Variants in AFF3 observed in about 807,000 individuals in gnomAD.
AFF3 encodes AF4/FMR2 family member 3.
Under a neutral mutation model 129.7 loss-of-function variants are expected in AFF3, and 32 were observed. The ratio of observed to expected loss-of-function variants is 0.25; its 90% CI spans 0.19 to 0.33. The LOEUF (loss-of-function observed/expected upper bound fraction) is 0.33. Among genes scored for constraint, AFF3 ranks in the 10% least tolerant of loss-of-function variants. AFF3 has a pLI of 1.00. For missense variants in AFF3, 1,373 were observed against 1,592.0 expected (o/e 0.86, Z 2.34); for synonymous variants, 644 against 635.4 (o/e 1.01, Z -0.20).
chr2:99,966,662 C>T (rs1441427431), intron 7 of AFF3, among the ~76,000 whole-genome samples: 4 of 112,006 alleles, frequency 3.6e-5, no homozygotes, highest in Non-Finnish European at 5.0e-5. Context: ...TGCACTCCAG[C>T]CTGGGCGACA....
intron 8 of AFF3, among the ~76,000 whole-genome samples, chr2:99,805,813 T>TACACACACACACAC (rs3072357): frequency 0.014 from 1,963 of 142,908 alleles, 26 homozygotes; most frequent in Non-Finnish European, 0.02. Context: ...GCAGGAGTCT[T>TACACACACACACAC]ACACACACAC....
chr2:99,715,918 T>C (rs1678342850), intron 11 of AFF3, among the ~76,000 whole-genome samples: 2 of 152,204 alleles, frequency 1.3e-5, no homozygotes, highest in Non-Finnish European at 2.9e-5. Flanking sequence ...GTGATCCGCC[T>C]GCCTCGGCCT....
At chr2:99,674,948 C>T (rs962439148) in intron 11 of AFF3, among the ~76,000 whole-genome samples, 11 of 152,180 alleles carry the variant, frequency 7.2e-5, no homozygotes, top group Non-Finnish European at 1.5e-4. Flanking sequence ...ATGTGCTAAA[C>T]GCGTCCACAC....
chr2:99,739,438 A>G (rs1198137965), intron 10 of AFF3, among the ~76,000 whole-genome samples: 1 of 152,036 alleles, frequency 6.6e-6, no homozygotes, highest in Non-Finnish European at 1.5e-5. Context: ...TTAGGTGGGG[A>G]TTCTGAAGGA....
At chr2:99,937,318 G>C (rs1674607319) in intron 7 of AFF3, among the ~76,000 whole-genome samples, 1 of 152,156 alleles carries the variant, frequency 6.6e-6, no homozygotes, top group Non-Finnish European at 1.5e-5. Flanking sequence ...GAGAGAGAAG[G>C]GAAAAGGTCA....
At chr2:100,085,925 G>A (rs977144589) in intron 4 of AFF3, among the ~76,000 whole-genome samples, 9 of 152,002 alleles carry the variant, frequency 5.9e-5, no homozygotes, top group African/African-American at 1.9e-4. Flanking sequence ...GACTGTGCCC[G>A]CTGACTGAGG....
At chr2:99,808,993 G>A (rs757449312) in intron 8 of AFF3, among the ~76,000 whole-genome samples, 11 of 152,178 alleles carry the variant, frequency 7.2e-5, no homozygotes, top group Admixed American at 3.3e-4. Context: ...ACAGGAGTTC[G>A]TTCCCTGGGC....
Position 100,110,974 on chromosome 2 carries a change from C to G in AFF3, c.-144-5391G>C, listed in dbSNP as rs556355424. 2.0e-5 allele frequency among the ~76,000 whole-genome samples: 3 copies of G among 152,290 alleles called. No individual in the cohort carries two copies. The South Asian group carries it at 6.2e-4, about 32-fold the overall frequency. ...TTGCTTCCCTGCAGTAGACACCACC[C>G]CTTCCTCTAGGTCACTTTCTTCTTC... On this transcript the variant is annotated intron_variant, in intron 2 of 24. Coordinates refer to ENST00000672756, the MANE Select transcript of AFF3 (RefSeq NM_001386135.1).
chr2:99,860,309 T>C (rs1463169789), intron 7 of AFF3, among the ~76,000 whole-genome samples: 1 of 151,996 alleles, frequency 6.6e-6, no homozygotes, highest in African/African-American at 2.4e-5. Flanking sequence ...ATCCCAGCAC[T>C]CTGGGAGGCC....
At chr2:99,916,795 A>T (rs186256443) in intron 7 of AFF3, among the ~76,000 whole-genome samples, 60 of 152,152 alleles carry the variant, frequency 3.9e-4, no homozygotes, top group African/African-American at 1.3e-3. Context: ...TAGGTCATCA[A>T]TTCTGGTTGT....
chr2:100,087,884 T>G lies in AFF3; in HGVS notation c.53+16518A>C, dbSNP rs1384174633. 1.5e-5 allele frequency among the ~76,000 whole-genome samples: 2 copies of G among 134,452 alleles called. 1 individual carries two copies. The highest frequency in any genetic ancestry group is 3.5e-5 in the Non-Finnish European group (2 of 57,884). 88.2% of individuals were successfully genotyped at this position (134,452 alleles called of 152,430 possible). On this transcript the variant is annotated intron_variant, in intron 4 of 24. Transcript: ENST00000672756. ...AAAAGTATATTAATAGATTAAAGTA[T>G]ATTAAAGTATATTAAAGTATTAATA...
In AFF3 at chr2:99,867,334, T is replaced by C. The variant is rs573811074; in HGVS notation, c.874-29810A>G. ...CAGTCACTCACAAATGGGGTTGACA[T>C]TGACTGGGAATTGTCCCAGTGGGTT... On this transcript the variant is annotated intron_variant, in intron 7 of 24. Coordinates refer to ENST00000672756, the MANE Select transcript of AFF3 (RefSeq NM_001386135.1). Among the ~76,000 whole-genome samples the C allele has an allele frequency of 5.3e-5, 8 of 152,180 alleles. 1 individual carries two copies. Among genetic ancestry groups the C allele is most frequent in the African/African-American group, 1.7e-4 (7 of 41,524 alleles).
At chr2:99,983,221 C>A (rs1679569335) in intron 7 of AFF3, among the ~76,000 whole-genome samples, 1 of 152,190 alleles carries the variant, frequency 6.6e-6, no homozygotes, top group African/African-American at 2.4e-5. Flanking sequence ...CTCGTCAAGT[C>A]ATCAGCTACC....
At chr2:99,755,270 A>ATT (rs1016331802) in intron 8 of AFF3, among the ~76,000 whole-genome samples, 12 of 132,592 alleles carry the variant, frequency 9.1e-5, no homozygotes, top group Non-Finnish European at 9.9e-5. Flanking sequence ...ATATTTTCCT[A>ATT]TTTTTTTTTT....
intron 17 of AFF3, among the ~76,000 whole-genome samples, chr2:99,581,309 A>G (rs1332177877): frequency 6.9e-6 from 1 of 144,998 alleles, no homozygotes; most frequent in Non-Finnish European, 1.5e-5. Flanking sequence ...ATGTTTTTCT[A>G]ATATAGGTCT....
intron 11 of AFF3, among the ~76,000 whole-genome samples, chr2:99,684,578 T>C (rs936721628): frequency 1.3e-5 from 2 of 151,898 alleles, no homozygotes; most frequent in African/African-American, 4.8e-5. Flanking sequence ...TGGAGATTGG[T>C]AGATGATCCT....
At chr2:99,706,991 C>T (rs905912764) in intron 11 of AFF3, 3 of 628,006 alleles carry the variant, frequency 4.8e-6, no homozygotes, top group Admixed American at 6.3e-5. Context: ...ATAGGACATT[C>T]ACATTTGCAT....
At chr2:99,553,936 AAAAAAG>A (rs1195287888) in intron 24 of AFF3, among the ~76,000 whole-genome samples, 54 of 149,746 alleles carry the variant, frequency 3.6e-4, no homozygotes, top group Non-Finnish European at 3.6e-4. Context: ...AAAAAAAAAA[AAAAAAG>A]AAAAAGAAAA....
chr2:99,643,352 C>T (rs901570599), intron 13 of AFF3, among the ~76,000 whole-genome samples: 5 of 152,140 alleles, frequency 3.3e-5, no homozygotes, highest in Non-Finnish European at 7.4e-5. Flanking sequence ...GCTACCGAGC[C>T]CAGCCCTAAA....
Sources: allele counts gnomAD v4.1 joint callset (sites outside exome capture counted in the v4.1 genomes callset), GRCh38; gene constraint gnomAD v4.1.1; transcripts MANE v1.5; gene names NCBI Gene and HGNC (gene_info 2026-07-23, HGNC 2026-07-21).